Variants in MAOA observed in about 807,000 individuals in gnomAD.
MAOA encodes monoamine oxidase A, also known as amine oxidase [flavin-containing] A.
A neutral mutation model predicts 42.0 loss-of-function variants in MAOA; 6 were observed. That is an observed-to-expected ratio of 0.14 (90% confidence interval 0.08 to 0.28). MAOA has a LOEUF of 0.28. MAOA is among the 10% of genes least tolerant of loss of function. The probability of loss-of-function intolerance (pLI) is 1.00; values close to 1 mark genes in which losing one functional copy is unlikely to be tolerated. For missense variants in MAOA, 262 were observed against 422.3 expected, an observed-to-expected ratio of 0.62 and a Z score of 3.33; for synonymous variants, 140 against 154.0, an observed-to-expected ratio of 0.91 and a Z score of 0.67.
chrX:43,689,885 T>C (rs895149029), intron 2 of MAOA, among the ~76,000 whole-genome samples: 4 of 110,845 alleles, frequency 3.6e-5, no homozygotes, highest in African/African-American at 1.3e-4. Flanking sequence ...CTCTTCCTCT[T>C]TTTTTTTCTC....
intron 5 of MAOA, among the ~76,000 whole-genome samples, chrX:43,718,640 T>A (rs748324389): frequency 5.3e-4 from 57 of 108,122 alleles, no homozygotes; most frequent in Non-Finnish European, 1.0e-3. Flanking sequence ...TTGGCTGGCA[T>A]GGTATCGTTG....
chrX:43,684,763 C>A (rs1465087678), intron 2 of MAOA, among the ~76,000 whole-genome samples: 2 of 111,112 alleles, frequency 1.8e-5, no homozygotes, highest in Admixed American at 9.6e-5. Context: ...GTAAGCAATG[C>A]AAACATTTGA....
At chrX:43,727,782 C>T (rs2033851042) in intron 5 of MAOA, among the ~76,000 whole-genome samples, 1 of 111,688 alleles carries the variant, frequency 9.0e-6, no homozygotes, top group Admixed American at 9.4e-5. Context: ...CCAGGTGAGG[C>T]GATGCCCTGC....
At chrX:43,719,531 C>T (rs2033771719) in intron 5 of MAOA, among the ~76,000 whole-genome samples, 1 of 109,955 alleles carries the variant, frequency 9.1e-6, no homozygotes, top group African/African-American at 3.3e-5. Flanking sequence ...ATTGTGTCTT[C>T]CAGGAATGGA....
At chrX:43,701,235 T>C (rs1327341200) in intron 3 of MAOA, among the ~76,000 whole-genome samples, 1 of 111,600 alleles carries the variant, frequency 9.0e-6, no homozygotes, top group Non-Finnish European at 1.9e-5. Flanking sequence ...AGAATTCCTC[T>C]TAAAGCTTTG....
intron 5 of MAOA, among the ~76,000 whole-genome samples, chrX:43,714,277 T>C (rs1226774485): frequency 3.6e-5 from 4 of 110,919 alleles, no homozygotes; most frequent in Admixed American, 2.9e-4. Context: ...GGATTTTGTC[T>C]TCTAGGAATG....
chrX:43,675,067 G>A (rs867394740), intron 1 of MAOA, among the ~76,000 whole-genome samples: 5 of 111,524 alleles, frequency 4.5e-5, no homozygotes, highest in Admixed American at 2.9e-4. Flanking sequence ...CATTCTCCCC[G>A]TCACTTTCAG....
chrX:43,731,418 A>G lies in MAOA; in HGVS notation c.795+28A>G, dbSNP rs776917768. 11 of 1,178,762 alleles carry G rather than the reference A, an allele frequency of 9.3e-6. 1 individual carries two copies. Among genetic ancestry groups the G allele is most frequent in the Non-Finnish European group, 1.3e-5 (11 of 866,066 alleles). ...AACTCAGTTTAGTCAAAAGGAGCAT[A>G]TAGTAAATAGGCCTTGTGTCTTTTG... On this transcript the variant is annotated intron_variant, in intron 7 of 14. Coordinates refer to ENST00000338702, the MANE Select transcript of MAOA (RefSeq NM_000240.4).
intron 9 of MAOA, 48 bp downstream of exon 9, chrX:43,732,843 T>C: frequency 1.2e-6 from 1 of 819,603 alleles, no homozygotes; most frequent in Non-Finnish European, 1.9e-6. Context: ...TGTTGATGTA[T>C]TGGTGTGGAT....
At position 43,660,246 on chromosome X, in the gene MAOA, C is replaced by T. The variant is rs183425430; in HGVS notation, c.73+3832C>T. On this transcript the variant is annotated intron_variant, in intron 1 of 14. Transcript: ENST00000338702. ...AGTTCCATCAATGTTGTTGCAAAAGCTCTTGACCCCTGAAGCTACCTGGTT... is the reference window on the plus strand; with the variant it reads ...AGTTCCATCAATGTTGTTGCAAAAGTTCTTGACCCCTGAAGCTACCTGGTT... Among the ~76,000 whole-genome samples the T allele has an allele frequency of 1.6e-3, 182 of 111,517 alleles. 2 individuals are homozygous for T. The highest frequency in any genetic ancestry group is 5.9e-3 in the African/African-American group (180 of 30,678).
chrX:43,740,515 T>A (rs991689609), intron 10 of MAOA, among the ~76,000 whole-genome samples, 166 bp from the exon 11 acceptor site: 19 of 112,127 alleles, frequency 1.7e-4, no homozygotes, highest in African/African-American at 6.1e-4. Context: ...GTGCGGGGAT[T>A]CATGGAAATG....
intron 2 of MAOA, among the ~76,000 whole-genome samples, chrX:43,692,735 G>A (rs1171929169): frequency 8.9e-6 from 1 of 111,832 alleles, no homozygotes; most frequent in Non-Finnish European, 1.9e-5. Context: ...ATTTATGAGG[G>A]AGGAAGTAAA....
chrX:43,705,029 T>C (rs557115186), intron 3 of MAOA, among the ~76,000 whole-genome samples: 22 of 112,140 alleles, frequency 2.0e-4, no homozygotes, highest in African/African-American at 5.8e-4. Context: ...ACTTCCCAAA[T>C]TGAACTACGT....
At chrX:43,686,047 T>C (rs746319941) in intron 2 of MAOA, among the ~76,000 whole-genome samples, 4 of 112,366 alleles carry the variant, frequency 3.6e-5, no homozygotes, top group Non-Finnish European at 7.5e-5. Flanking sequence ...CAAATTCTAA[T>C]TGAAGGCAGC....
intron 1 of MAOA, among the ~76,000 whole-genome samples, chrX:43,658,829 C>A (rs1182086556): frequency 8.9e-6 from 1 of 111,758 alleles, no homozygotes; most frequent in Non-Finnish European, 1.9e-5. Context: ...CGTGTTAGAT[C>A]CTGGACATAA....
At chrX:43,733,467 A>G (rs940807831) in intron 9 of MAOA, among the ~76,000 whole-genome samples, 3 of 111,366 alleles carry the variant, frequency 2.7e-5, no homozygotes, top group Non-Finnish European at 3.8e-5. Flanking sequence ...TAGCTGTCCT[A>G]CTCGTTGGGG....
At chrX:43,727,296 G>A (rs1193319750) in intron 5 of MAOA, among the ~76,000 whole-genome samples, 7 of 112,121 alleles carry the variant, frequency 6.2e-5, no homozygotes, top group Non-Finnish European at 1.1e-4. Flanking sequence ...CAGGTGCTCT[G>A]GCCCAAGGAG....
intron 5 of MAOA, among the ~76,000 whole-genome samples, chrX:43,719,814 G>C (rs1156567474): frequency 9.0e-6 from 1 of 110,583 alleles, no homozygotes; most frequent in Non-Finnish European, 1.9e-5. Context: ...AGGCACTATA[G>C]GGTAGACGTT....
intron 3 of MAOA, among the ~76,000 whole-genome samples, chrX:43,711,430 C>G (rs1380001822): frequency 8.9e-6 from 1 of 111,842 alleles, no homozygotes; most frequent in Non-Finnish European, 1.9e-5. Flanking sequence ...AGACATTCCA[C>G]TTTGCTATTC....
Sources: gnomAD v4.1 joint callset for allele counts (sites outside exome capture counted in the v4.1 genomes callset) on GRCh38, gnomAD v4.1.1 for gene constraint, MANE v1.5 for transcripts, NCBI Gene and HGNC (gene_info 2026-07-23, HGNC 2026-07-21) for gene names.